PDZD2: variants seen among roughly 807,000 people sequenced by gnomAD.
The protein encoded by PDZD2 is PDZ domain-containing protein 2.
A neutral mutation model predicts 220.7 loss-of-function variants in PDZD2; 90 were observed. That is an observed-to-expected ratio of 0.41 (90% CI 0.34 to 0.49). The LOEUF (loss-of-function observed/expected upper bound fraction) is 0.49. Ranked by LOEUF, PDZD2 falls within the 20% of genes least tolerant of loss-of-function variation. The probability of loss-of-function intolerance (pLI) is 0.28; values close to 1 mark genes in which losing one functional copy is unlikely to be tolerated. For synonymous variants in PDZD2, 1,375 were observed against 1,450.5 expected (o/e 0.95, Z 1.18); for missense variants, 3,174 against 3,608.5 (o/e 0.88, Z 3.08).
chr5:31,853,765 G>A (rs1244573655), intron 2 of PDZD2, among the ~76,000 whole-genome samples: 1 of 152,190 alleles, frequency 6.6e-6, no homozygotes, highest in African/African-American at 2.4e-5. Context: ...TAGAGCCAGA[G>A]GGGTGGAGTG....
intron 21 of PDZD2, among the ~76,000 whole-genome samples, chr5:32,093,807 GTCTC>G (rs1009654988): frequency 6.6e-6 from 1 of 152,048 alleles, no homozygotes; most frequent in African/African-American, 2.4e-5. Flanking sequence ...GTGAAACCCT[GTCTC>G]TACTAAAAAT....
intron 21 of PDZD2, among the ~76,000 whole-genome samples, chr5:32,096,412 G>T (rs532208104): frequency 8.5e-5 from 13 of 152,056 alleles, no homozygotes; most frequent in African/African-American, 3.1e-4. Flanking sequence ...CTGCCCGCTG[G>T]GTTCAAGCGA....
At chr5:31,680,519 A>T (rs1020561590) in intron 1 of PDZD2, among the ~76,000 whole-genome samples, 15 of 143,562 alleles carry the variant, frequency 1.0e-4, no homozygotes, top group Non-Finnish European at 1.8e-4. Context: ...AAGCCAATTT[A>T]AAAAAAAAAT....
chr5:32,012,275 G>A (rs946927479), intron 6 of PDZD2, among the ~76,000 whole-genome samples: 2 of 152,096 alleles, frequency 1.3e-5, no homozygotes, highest in Non-Finnish European at 2.9e-5. Flanking sequence ...CTGCGGCGAG[G>A]ACAGCCCTGC....
chr5:32,042,260 T>TAA (rs767070006), intron 7 of PDZD2, among the ~76,000 whole-genome samples: 8 of 77,158 alleles, frequency 1.0e-4, no homozygotes, highest in Non-Finnish European at 1.1e-4. Context: ...AGACTCTGTC[T>TAA]AAAAAAAAAA....
intron 19 of PDZD2, among the ~76,000 whole-genome samples, chr5:32,084,264 G>C (rs1183424930): frequency 6.6e-6 from 1 of 152,214 alleles, no homozygotes; most frequent in Admixed American, 6.5e-5. Flanking sequence ...TCCACACAGA[G>C]GCCACATAGT....
At position 31,889,515 on chromosome 5, in the gene PDZD2, G is replaced by A. The variant is rs148150748; in HGVS notation, c.476+89791G>A. 1.2e-4 allele frequency among the ~76,000 whole-genome samples: 18 copies of A among 152,320 alleles called. No individual in the cohort carries two copies. In the East Asian group the frequency reaches 2.3e-3, roughly 20 times the overall value. ...GACCTCACACTCCTGTTGAGAAAAT[G>A]TTTGAAATGCATTCTCTTAAAAGTA... On this transcript the variant is annotated intron_variant, in intron 2 of 24. Coordinates refer to ENST00000438447, the MANE Select transcript of PDZD2 (RefSeq NM_178140.4).
At chr5:32,063,933 GCTC>G (rs1739940900) in intron 14 of PDZD2, among the ~76,000 whole-genome samples, 1 of 152,174 alleles carries the variant, frequency 6.6e-6, no homozygotes, top group African/African-American at 2.4e-5. Context: ...TTAAAGAGTG[GCTC>G]CTCCTCTGTC....
intron 4 of PDZD2, 126 bp downstream of exon 4, chr5:31,995,844 C>A: frequency 2.3e-6 from 2 of 880,284 alleles, no homozygotes; most frequent in Non-Finnish European, 3.5e-6. Flanking sequence ...AAAGATTATG[C>A]TGGAGCACAG....
chr5:31,978,899 C>T (rs1308626606), intron 2 of PDZD2, among the ~76,000 whole-genome samples: 1 of 151,898 alleles, frequency 6.6e-6, no homozygotes, highest in Non-Finnish European at 1.5e-5. Flanking sequence ...TTATTTATTG[C>T]CAGGAAGCTG....
chr5:32,001,790 A>G lies in PDZD2; in HGVS notation c.1254+1519A>G, dbSNP rs184425752. Among the ~76,000 whole-genome samples, 7 of 152,250 alleles carry G rather than the reference A, an allele frequency of 4.6e-5. No individual in the cohort carries two copies. The South Asian group carries it at 6.2e-4, about 14-fold the overall frequency. ...TGTTGATGAGACTAGGGCAGCGTCTATGTGGCCTGGTGAGAAAGAGGAGGC... is the reference window on the plus strand; with the variant it reads ...TGTTGATGAGACTAGGGCAGCGTCTGTGTGGCCTGGTGAGAAAGAGGAGGC... On this transcript the variant is annotated intron_variant, in intron 5 of 24. Coordinates refer to ENST00000438447, the MANE Select transcript of PDZD2 (RefSeq NM_178140.4).
At chr5:32,042,012 GAGACCATCCTGGCTAACACGGTGAAACCC>G (rs1561430438) in intron 7 of PDZD2, among the ~76,000 whole-genome samples, 3 of 39,374 alleles carry the variant, frequency 7.6e-5, no homozygotes, top group Non-Finnish European at 1.7e-4. Context: ...TCAGGAGATC[GAGACCATCCTGGCTAACACGGTGAAACCC>G]TCAGGAGATC....
At chr5:31,923,113 T>C (rs1402134425) in intron 2 of PDZD2, among the ~76,000 whole-genome samples, 1 of 151,684 alleles carries the variant, frequency 6.6e-6, no homozygotes, top group Non-Finnish European at 1.5e-5. Flanking sequence ...GCCAACATGG[T>C]GAAACCCCCG....
chr5:31,758,298 G>A (rs774278770), intron 1 of PDZD2, among the ~76,000 whole-genome samples: 4 of 152,250 alleles, frequency 2.6e-5, no homozygotes, highest in Non-Finnish European at 5.9e-5. Context: ...CTTGGAAGTC[G>A]TGCCCAGTGA....
chr5:31,921,081 GCTCA>G (rs570117209), intron 2 of PDZD2, among the ~76,000 whole-genome samples: 83 of 152,300 alleles, frequency 5.4e-4, no homozygotes, highest in Admixed American at 9.2e-4. Context: ...ACATCTGTGT[GCTCA>G]CTGTCTTTTC....
At chr5:32,052,588 C>A in intron 8 of PDZD2, 23 bp from the exon 9 acceptor site, 4 of 1,611,660 alleles carry the variant, frequency 2.5e-6, no homozygotes, top group Non-Finnish European at 3.4e-6. Flanking sequence ...TAATCTCTGA[C>A]CTTGCCGTGT....
intron 1 of PDZD2, among the ~76,000 whole-genome samples, chr5:31,771,324 C>A (rs1446798568): frequency 1.3e-5 from 2 of 152,144 alleles, no homozygotes; most frequent in Non-Finnish European, 2.9e-5. Flanking sequence ...ACCTGTCATC[C>A]CTAAGCTTAT....
intron 1 of PDZD2, chr5:31,743,872 T>C (rs1750420630): frequency 6.6e-6 from 1 of 152,182 alleles, no homozygotes; most frequent in African/African-American, 2.4e-5. Flanking sequence ...ATCCAGACAA[T>C]GACTGTGCAT....
At chr5:31,694,985 G>A (rs999352270) in intron 1 of PDZD2, among the ~76,000 whole-genome samples, 2 of 151,960 alleles carry the variant, frequency 1.3e-5, no homozygotes, top group African/African-American at 2.4e-5. Context: ...TTAGCCAGGC[G>A]TGGTGGCGTG....
Sources: gnomAD v4.1 joint callset for allele counts (sites outside exome capture counted in the v4.1 genomes callset) on GRCh38, gnomAD v4.1.1 for gene constraint, MANE v1.5 for transcripts, NCBI Gene and HGNC (gene_info 2026-07-23, HGNC 2026-07-21) for gene names.